The following THSD7B variants were observed in gnomAD, a reference collection of about 807,000 sequenced individuals.
The protein encoded by THSD7B is thrombospondin type 1 domain containing 7B.
THSD7B carries 138 observed loss-of-function variants against 213.6 expected under a neutral mutation model. The ratio of observed to expected loss-of-function variants is 0.65; its 90% CI spans 0.56 to 0.74. THSD7B has a LOEUF of 0.74. THSD7B is among the 30% of genes least tolerant of loss of function. The pLI, the probability that THSD7B is intolerant of heterozygous loss-of-function variation, is 0.00. For missense variants in THSD7B, 1,931 were observed against 1,991.5 expected, an observed-to-expected ratio of 0.97 and a Z score of 0.58; for synonymous variants, 742 against 687.0, an observed-to-expected ratio of 1.08 and a Z score of -1.25.
intron 2 of THSD7B, among the ~76,000 whole-genome samples, chr2:136,951,919 G>T (rs575130108): frequency 6.6e-6 from 1 of 152,122 alleles, no homozygotes; most frequent in South Asian, 2.1e-4. Context: ...GCCCAGGCTC[G>T]AGTGCAGTGG....
intron 1 of THSD7B, among the ~76,000 whole-genome samples, chr2:136,839,258 C>G (rs1259310168): frequency 6.6e-6 from 1 of 152,164 alleles, no homozygotes; most frequent in Non-Finnish European, 1.5e-5. Flanking sequence ...GAGGGTCACC[C>G]CTGGCTGGGA....
At chr2:137,655,445 A>AAAC in intron 21 of THSD7B, 56 bp from the exon 22 acceptor site, 1 of 1,533,092 alleles carries the variant, frequency 6.5e-7, no homozygotes, top group East Asian at 2.4e-5. Context: ...GCAAGAGCCA[A>AAAC]AACTTTGAGA....
intron 20 of THSD7B, among the ~76,000 whole-genome samples, chr2:137,621,905 C>A (rs1490648563): frequency 4.6e-5 from 7 of 152,072 alleles, no homozygotes; most frequent in Admixed American, 4.6e-4. Flanking sequence ...TGGCAGAAAG[C>A]AGAGGAGAGA....
intron 15 of THSD7B, among the ~76,000 whole-genome samples, chr2:137,454,944 C>T (rs1687734228): frequency 2.6e-5 from 4 of 152,096 alleles, no homozygotes; most frequent in Non-Finnish European, 4.4e-5. Flanking sequence ...GAGAGGAACA[C>T]ATCTTTACTA....
chr2:137,530,748 C>T (rs1680381670), intron 15 of THSD7B, among the ~76,000 whole-genome samples: 1 of 151,924 alleles, frequency 6.6e-6, no homozygotes, highest in South Asian at 2.1e-4. Flanking sequence ...AAAGAGAAAA[C>T]AGGGTTCTGT....
At chr2:137,344,059 T>C (rs1016842593) in intron 12 of THSD7B, among the ~76,000 whole-genome samples, 56 of 151,852 alleles carry the variant, frequency 3.7e-4, no homozygotes, top group African/African-American at 1.3e-3. Context: ...CTGACCAGTA[T>C]TGGCCGCATT....
At chr2:137,558,360 C>A (rs919574330) in intron 15 of THSD7B, among the ~76,000 whole-genome samples, 1 of 152,148 alleles carries the variant, frequency 6.6e-6, no homozygotes, top group African/African-American at 2.4e-5. Context: ...AAAAGCTTAT[C>A]CACCATGATC....
intron 10 of THSD7B, among the ~76,000 whole-genome samples, chr2:137,251,307 C>T (rs914279833): frequency 6.6e-6 from 1 of 152,052 alleles, no homozygotes; most frequent in South Asian, 2.1e-4. Context: ...GTTTTCCTGG[C>T]AAATGTGGTT....
intron 15 of THSD7B, among the ~76,000 whole-genome samples, chr2:137,506,057 G>A (rs1396134073): frequency 6.6e-6 from 1 of 152,144 alleles, no homozygotes; most frequent in African/African-American, 2.4e-5. Flanking sequence ...TGTTTGAAAA[G>A]CACATCCCTG....
At chr2:137,381,182 G>A (rs775342969) in intron 12 of THSD7B, among the ~76,000 whole-genome samples, 4 of 152,198 alleles carry the variant, frequency 2.6e-5, no homozygotes, top group Non-Finnish European at 4.4e-5. Context: ...TGTGGTACCC[G>A]GTGGCAGCCG....
chr2:136,784,194 G>A (rs1269544626), intron 1 of THSD7B, among the ~76,000 whole-genome samples: 1 of 152,142 alleles, frequency 6.6e-6, no homozygotes, highest in East Asian at 1.9e-4. Flanking sequence ...AGGCAATATT[G>A]TCATTCATAA....
At chr2:136,777,851 T>C (rs1054804886) in intron 1 of THSD7B, among the ~76,000 whole-genome samples, 1 of 152,222 alleles carries the variant, frequency 6.6e-6, no homozygotes, top group Non-Finnish European at 1.5e-5. Flanking sequence ...CAATGCTTTA[T>C]GGAAGAAACC....
intron 1 of THSD7B, among the ~76,000 whole-genome samples, chr2:136,831,246 G>A (rs910948139): frequency 6.7e-6 from 1 of 148,844 alleles, no homozygotes; most frequent in African/African-American, 2.5e-5. Context: ...AGACAAATAT[G>A]GATCTCAGTT....
chr2:137,127,319 A>G (rs1008079813), intron 5 of THSD7B, among the ~76,000 whole-genome samples: 1 of 152,184 alleles, frequency 6.6e-6, no homozygotes, highest in African/African-American at 2.4e-5. Flanking sequence ...CGTGATTCCA[A>G]TCCTTTAAGG....
At chr2:137,012,949 G>T (rs1686258237) in intron 2 of THSD7B, among the ~76,000 whole-genome samples, 2 of 152,202 alleles carry the variant, frequency 1.3e-5, no homozygotes, top group Admixed American at 1.3e-4. Context: ...TGCCCATGTG[G>T]TGAGAAATTC....
At position 137,677,544 on chromosome 2, in the gene THSD7B, G is replaced by A. The variant is rs182263633; in HGVS notation, c.*939G>A. ...TTAATATACATCAAACACCGATCCT[G>A]TTTGTACAAAGTCTTGCTTTTATAA... is the stretch of plus-strand genomic sequence containing the variant. On this transcript the variant is annotated 3_prime_UTR_variant, in exon 28 of 28. Coordinates refer to ENST00000409968, the MANE Select transcript of THSD7B (RefSeq NM_001316349.2). The A allele has an allele frequency of 1.3e-5, 2 of 152,560 alleles. No homozygotes were observed. The highest frequency in any genetic ancestry group is 2.9e-5 in the Non-Finnish European group (2 of 68,016). 9.5% of individuals were successfully genotyped at this position (152,560 alleles called of 1,614,324 possible).
intron 24 of THSD7B, among the ~76,000 whole-genome samples, chr2:137,657,751 A>G (rs1683265375): frequency 6.6e-6 from 1 of 152,150 alleles, no homozygotes; most frequent in African/African-American, 2.4e-5. Flanking sequence ...GGCAGATACC[A>G]TTTAGCAGGC....
At chr2:136,889,913 G>A (rs1683785066) in intron 2 of THSD7B, among the ~76,000 whole-genome samples, 1 of 152,022 alleles carries the variant, frequency 6.6e-6, no homozygotes, top group African/African-American at 2.4e-5. Context: ...GCATCCTCTA[G>A]TACTGCTAAA....
At position 137,489,910 on chromosome 2, in the gene THSD7B, TTC is replaced by T. The variant is rs201282418; in HGVS notation, c.3138+38889_3138+38890del. ...TGATTGTGAAATCTGTGGAACAATG[TTC>T]TGTTTTTTTTGTGTGTGTGTGGTGT... On this transcript the variant is annotated intron_variant, in intron 15 of 27. Coordinates refer to ENST00000409968, the MANE Select transcript of THSD7B (RefSeq NM_001316349.2). 6.8e-3 allele frequency among the ~76,000 whole-genome samples: 1,036 copies of T among 152,316 alleles called. 8 individuals are homozygous for T. The highest frequency in any genetic ancestry group is 0.024 in the African/African-American group (980 of 41,566).
Sources: allele counts gnomAD v4.1 joint callset (sites outside exome capture counted in the v4.1 genomes callset), GRCh38; gene constraint gnomAD v4.1.1; transcripts MANE v1.5; gene names NCBI Gene and HGNC (gene_info 2026-07-23, HGNC 2026-07-21).